Variants in HDAC9 observed in about 807,000 individuals in gnomAD.
HDAC9 encodes histone deacetylase 9, also known as MEF-2 interacting transcription repressor (MITR) protein.
HDAC9 carries 41 observed loss-of-function variants against 139.4 expected under a neutral mutation model. The ratio of observed to expected loss-of-function variants is 0.29; its 90% CI spans 0.23 to 0.38. The LOEUF (loss-of-function observed/expected upper bound fraction) is 0.38. Ranked by LOEUF, HDAC9 falls within the 10% of genes least tolerant of loss-of-function variation. The probability of loss-of-function intolerance (pLI) is 1.00; values close to 1 mark genes in which losing one functional copy is unlikely to be tolerated. For synonymous variants in HDAC9, 517 were observed against 476.2 expected (o/e 1.09, Z -1.12); for missense variants, 1,147 against 1,297.0 (o/e 0.88, Z 1.78).
intron 1 of HDAC9, among the ~76,000 whole-genome samples, chr7:18,155,005 ATTAC>A (rs1787073477): frequency 6.6e-6 from 1 of 151,870 alleles, no homozygotes; most frequent in Non-Finnish European, 1.5e-5. Context: ...CACTTCGACT[ATTAC>A]TTCCTTTTCA....
chr7:18,324,563 T>C (rs1381361900), intron 1 of HDAC9, among the ~76,000 whole-genome samples: 1 of 152,152 alleles, frequency 6.6e-6, no homozygotes, highest in Non-Finnish European at 1.5e-5. Context: ...TCTTGGGTGC[T>C]GTATACCCTT....
At chr7:18,277,254 A>G (rs932074836) in intron 2 of HDAC9, among the ~76,000 whole-genome samples, 24 of 152,184 alleles carry the variant, frequency 1.6e-4, no homozygotes, top group Admixed American at 1.1e-3. Context: ...GCGGCACTGA[A>G]GAAACAGTGG....
intron 21 of HDAC9, among the ~76,000 whole-genome samples, chr7:18,856,980 C>G (rs1363382223): frequency 6.6e-6 from 1 of 152,230 alleles, no homozygotes; most frequent in African/African-American, 2.4e-5. Flanking sequence ...TCAGTCTGTT[C>G]ATATATTCTT....
intron 22 of HDAC9, among the ~76,000 whole-genome samples, chr7:18,901,411 G>T (rs931087454): frequency 6.6e-6 from 1 of 151,904 alleles, no homozygotes; most frequent in Non-Finnish European, 1.5e-5. Context: ...TGACATTAGG[G>T]AAAAGAAAAG....
intron 22 of HDAC9, among the ~76,000 whole-genome samples, chr7:18,875,284 C>G (rs1483780011): frequency 6.6e-6 from 1 of 151,974 alleles, no homozygotes. Context: ...ATATATAGCT[C>G]ACATATAAAT....
chr7:18,852,182 T>G (rs1250938857), intron 21 of HDAC9, among the ~76,000 whole-genome samples: 2 of 152,192 alleles, frequency 1.3e-5, no homozygotes, highest in East Asian at 3.8e-4. Context: ...CTGAGCTAGT[T>G]GCTGTGGAGA....
At chr7:18,119,872 A>G (rs1288720751) in intron 1 of HDAC9, among the ~76,000 whole-genome samples, 1 of 152,194 alleles carries the variant, frequency 6.6e-6, no homozygotes, top group Non-Finnish European at 1.5e-5. Flanking sequence ...TTTTCTACTT[A>G]AAAGACCATA....
chr7:18,221,223 A>G (rs1243536370), intron 2 of HDAC9, among the ~76,000 whole-genome samples: 1 of 151,682 alleles, frequency 6.6e-6, no homozygotes, highest in Non-Finnish European at 1.5e-5. Context: ...CTCCTGCCTC[A>G]ACCTCCAGAG....
chr7:18,921,342 G>C (rs1803701452), intron 22 of HDAC9, among the ~76,000 whole-genome samples: 1 of 150,908 alleles, frequency 6.6e-6, no homozygotes, highest in Admixed American at 6.6e-5. Flanking sequence ...ATCTGACAAA[G>C]GGCTAATATC....
At chr7:18,139,534 G>GA (rs985800943) in intron 1 of HDAC9, among the ~76,000 whole-genome samples, 5 of 152,210 alleles carry the variant, frequency 3.3e-5, no homozygotes, top group Admixed American at 3.3e-4. Context: ...CCGTGTCAGG[G>GA]AAAAGTAAAG....
At chr7:18,869,374 G>A (rs1195709848) in intron 21 of HDAC9, among the ~76,000 whole-genome samples, 1 of 151,970 alleles carries the variant, frequency 6.6e-6, no homozygotes, top group Non-Finnish European at 1.5e-5. Flanking sequence ...GAGTTCTCAT[G>A]AAATCTGGTT....
At chr7:18,126,087 C>A (rs1199135261) in intron 1 of HDAC9, among the ~76,000 whole-genome samples, 1 of 152,116 alleles carries the variant, frequency 6.6e-6, no homozygotes, top group Non-Finnish European at 1.5e-5. Context: ...GTCAACTACT[C>A]TAAACACTTA....
intron 1 of HDAC9, among the ~76,000 whole-genome samples, chr7:18,463,596 AT>A (rs1416876907): frequency 6.6e-6 from 1 of 151,510 alleles, no homozygotes; most frequent in Non-Finnish European, 1.5e-5. Context: ...TGTTCTGCAT[AT>A]TTTTTCTATT....
intron 24 of HDAC9, among the ~76,000 whole-genome samples, chr7:18,966,624 C>G (rs1417298025): frequency 2.0e-5 from 3 of 152,064 alleles, no homozygotes; most frequent in Non-Finnish European, 4.4e-5. Flanking sequence ...TTGCTTGAAC[C>G]CGGGAGGCAG....
intron 17 of HDAC9, among the ~76,000 whole-genome samples, chr7:18,803,965 T>C (rs1158730145): frequency 1.3e-5 from 2 of 152,208 alleles, no homozygotes; most frequent in African/African-American, 4.8e-5. Flanking sequence ...CTGAAAATAC[T>C]GTGGTGATCC....
chr7:18,329,684 C>T (rs1159181774), intron 1 of HDAC9, among the ~76,000 whole-genome samples: 1 of 151,666 alleles, frequency 6.6e-6, no homozygotes, highest in Admixed American at 6.6e-5. Flanking sequence ...TGCTCAAGAA[C>T]ATGGGCCAGA....
At chr7:18,603,322 C>A (rs1834493455) in intron 6 of HDAC9, among the ~76,000 whole-genome samples, 1 of 151,978 alleles carries the variant, frequency 6.6e-6, no homozygotes. Context: ...AGATTAATAT[C>A]TAGAATGTTT....
chr7:18,755,840 A>G (rs934702608), intron 14 of HDAC9, among the ~76,000 whole-genome samples: 31 of 152,192 alleles, frequency 2.0e-4, no homozygotes, highest in African/African-American at 7.0e-4. Context: ...TAGTGACTGA[A>G]TCAAGCAGTA....
chr7:18,786,013 C>T (rs578196860), intron 16 of HDAC9, among the ~76,000 whole-genome samples: 10 of 152,136 alleles, frequency 6.6e-5, no homozygotes, highest in Admixed American at 6.5e-4. Flanking sequence ...AAGAAAATAA[C>T]TTTATAGAGT....
Sources: gnomAD v4.1 joint callset for allele counts (sites outside exome capture counted in the v4.1 genomes callset) on GRCh38, gnomAD v4.1.1 for gene constraint, MANE v1.5 for transcripts, NCBI Gene and HGNC (gene_info 2026-07-23, HGNC 2026-07-21) for gene names.